The following C10orf71 variants were observed in gnomAD, a reference collection of about 807,000 sequenced individuals.
C10orf71 encodes the protein chromosome 10 open reading frame 71, also known as cardiac-enriched FHL2-interacting protein.
For synonymous variants in C10orf71, 758 were observed against 726.3 expected, an observed-to-expected ratio of 1.04 and a Z score of -0.70; for missense variants, 1,869 against 1,804.5, an observed-to-expected ratio of 1.04 and a Z score of -0.65.
Position 49,324,060 on chromosome 10 carries a change from C to A in C10orf71, c.1515C>A (p.Asp505Glu). 6.2e-7 allele frequency: 1 copy of A among 1,613,864 alleles called. No individual in the cohort carries two copies. Among genetic ancestry groups the A allele is most frequent in the African/African-American group, 1.3e-5 (1 of 75,028 alleles). The change falls in exon 3 of 3, where the codon GAC becomes GAA. Residue 505 changes from aspartate (D) to glutamate (E), a missense_variant. Physicochemically the swap from Asp to Glu is conservative, Grantham distance 45. Coordinates refer to ENST00000374144, the MANE Select transcript of C10orf71 (RefSeq NM_001135196.2). ...CTAGCCTGCTGTTCAACCTCAAGGA[C>A]GTGCGGAAGCGTGTTAAGAGCACAT... ...KAPSLLFNLK[D>E]VRKRVKSTYS...
intron 1 of C10orf71, among the ~76,000 whole-genome samples, chr10:49,300,309 C>G (rs1467720064): frequency 6.6e-6 from 1 of 152,122 alleles, no homozygotes; most frequent in South Asian, 2.1e-4. Context: ...CACCTTCATT[C>G]ATTTGCATAT....
rs1396563149 is a variant in C10orf71 at position 49,326,275 on chromosome 10, C to T, written c.3730C>T (p.Arg1244Cys). The change falls in exon 3 of 3, where the codon CGC becomes TGC. Residue 1244 changes from arginine (R) to cysteine (C), a missense_variant. Arg to Cys is a radical substitution (Grantham distance 180). Coordinates refer to ENST00000374144, the MANE Select transcript of C10orf71 (RefSeq NM_001135196.2). ...VVRSLPPPVHRHSVSGFSEPV... is the reference protein window; with the variant it reads ...VVRSLPPPVHCHSVSGFSEPV... ...CCGTTCCCTGCCCCCTCCCGTGCAC[C>T]GCCACTCCGTGTCCGGCTTCTCGGA... The T allele has an allele frequency of 2.6e-6, 4 of 1,550,126 alleles. No homozygotes were observed. Among genetic ancestry groups the T allele is most frequent in the Admixed American group, 2.0e-5 (1 of 50,964 alleles).
chr10:49,322,378 G>T, intron 2 of C10orf71, 24 bp from the exon 3 acceptor site: 1 of 707,376 alleles, frequency 1.4e-6, no homozygotes, highest in Non-Finnish European at 2.2e-6. Flanking sequence ...CTTTGTTCAC[G>T]CCCTGCACCT....
chr10:49,316,728 G>GCCTGAGCACACTTCCGT (rs958878399), intron 2 of C10orf71, among the ~76,000 whole-genome samples: 2 of 152,202 alleles, frequency 1.3e-5, no homozygotes, highest in Non-Finnish European at 2.9e-5. Context: ...CAGCAAGGAA[G>GCCTGAGCACACTTCCGT]CCTGAGCACA....
intron 2 of C10orf71, among the ~76,000 whole-genome samples, chr10:49,320,603 G>A (rs1223311420): frequency 1.3e-5 from 2 of 152,234 alleles, no homozygotes; most frequent in East Asian, 3.8e-4. Context: ...TGAGAGAGAT[G>A]AGCAAGGAGG....
intron 1 of C10orf71, among the ~76,000 whole-genome samples, chr10:49,303,034 C>G (rs1273300190): frequency 6.6e-6 from 1 of 152,218 alleles, no homozygotes; most frequent in East Asian, 1.9e-4. Context: ...GGTAGAAATA[C>G]AAGAACTGCT....
intron 2 of C10orf71, among the ~76,000 whole-genome samples, chr10:49,321,328 G>A (rs994789003): frequency 2.6e-5 from 4 of 152,022 alleles, no homozygotes; most frequent in East Asian, 1.9e-4. Flanking sequence ...GTCTTTCTGC[G>A]ACTGGGTTGT....
chr10:49,324,381 C>A lies in C10orf71; in HGVS notation c.1836C>A (p.Ser612Arg). 6.2e-7 allele frequency: 1 copy of A among 1,613,540 alleles called. No homozygotes were observed. Among genetic ancestry groups the A allele is most frequent in the Non-Finnish European group, 8.5e-7 (1 of 1,179,710 alleles). ...TCAATGGGGAGGCTGCTGAGAGAAGCAGTTATGAGAACAAGGAGGTGGAAG... is the reference window on the plus strand; with the variant it reads ...TCAATGGGGAGGCTGCTGAGAGAAGAAGTTATGAGAACAAGGAGGTGGAAG... ...FYVNGEAAER[S>R]SYENKEVEGE... The change falls in exon 3 of 3, where the codon AGC becomes AGA. Residue 612 changes from serine (S) to arginine (R), a missense_variant. Transcript: ENST00000374144.
intron 1 of C10orf71, among the ~76,000 whole-genome samples, chr10:49,301,282 G>A (rs1482657348): frequency 6.6e-6 from 1 of 152,308 alleles, no homozygotes; most frequent in South Asian, 2.1e-4. Context: ...GGCTGGAGTG[G>A]ATTTTGGTTT....
intron 1 of C10orf71, among the ~76,000 whole-genome samples, chr10:49,312,059 A>G (rs1246984441): frequency 6.6e-6 from 1 of 152,224 alleles, no homozygotes. Flanking sequence ...ATCTCAAGGA[A>G]AAGCTGATTC....
At chr10:49,316,895 A>G (rs111978510) in intron 2 of C10orf71, among the ~76,000 whole-genome samples, 59 of 152,176 alleles carry the variant, frequency 3.9e-4, no homozygotes, top group Non-Finnish European at 2.8e-4. Context: ...CCCACAAGGT[A>G]TCAAGTGCTT....
intron 1 of C10orf71, among the ~76,000 whole-genome samples, chr10:49,302,798 T>C (rs1222703829): frequency 6.6e-6 from 1 of 152,150 alleles, no homozygotes; most frequent in African/African-American, 2.4e-5. Flanking sequence ...CTCAGGACTT[T>C]GGGAAGTTGC....
In C10orf71 at chr10:49,325,745, C is replaced by T. The variant is rs1410787264; in HGVS notation, c.3200C>T (p.Ala1067Val). 2 of 1,551,348 alleles carry T rather than the reference C, an allele frequency of 1.3e-6. No homozygotes were observed. Among genetic ancestry groups the T allele is most frequent in the Non-Finnish European group, 8.7e-7 (1 of 1,146,800 alleles). The part of the protein sequence containing the change: ...PNPGSPGESS[A>V]CSPAASNIWE... ...CCCGGCTCCCCCGGGGAGAGCAGTG[C>T]CTGCTCCCCTGCTGCCAGCAACATT... Residue 1067 changes from alanine to valine, a missense_variant, in exon 3 of 3, where the codon GCC (alanine) becomes GTC (valine). Physicochemically the swap from Ala to Val is moderately conservative, Grantham distance 64 (BLOSUM62 0). Transcript: ENST00000374144.
rs755271393 is a variant in C10orf71, at chr10:49,323,795, C to T, written c.1250C>T (p.Pro417Leu). 8 of 1,613,838 alleles carry T rather than the reference C, an allele frequency of 5.0e-6. No individual in the cohort carries two copies. The South Asian group carries it at 7.7e-5, about 16-fold the overall frequency. The change falls in exon 3 of 3, where the codon CCC becomes CTC. Residue 417 changes from proline (P) to leucine (L), a missense_variant. By Grantham distance (98) the Pro-to-Leu change is moderately conservative. Coordinates refer to ENST00000374144, the MANE Select transcript of C10orf71 (RefSeq NM_001135196.2). ...CCACCTTTGTATACAAAACACAACC[C>T]CCAGGAACAGTTTTCAGAAAACAAT... ...RGPPLYTKHN[P>L]QEQFSENNAL...
intron 2 of C10orf71, among the ~76,000 whole-genome samples, chr10:49,317,687 C>CA (rs1456555438): frequency 6.6e-6 from 1 of 152,006 alleles, no homozygotes; most frequent in East Asian, 1.9e-4. Context: ...TCCATTTATA[C>CA]AAAAAATAGA....
chr10:49,300,540 TG>T (rs1419562189), intron 1 of C10orf71, among the ~76,000 whole-genome samples: 1 of 151,374 alleles, frequency 6.6e-6, no homozygotes, highest in Non-Finnish European at 1.5e-5. Context: ...GACCAGTGGC[TG>T]GCTGGCTCCT....
In C10orf71 at chr10:49,325,655, C is replaced by T; in HGVS notation, c.3110C>T (p.Ser1037Phe). Reference protein sequence around the residue: ...QTPGFKSHFLSTPRAGPPGRR... With the variant: ...QTPGFKSHFLFTPRAGPPGRR... ...CCAGGTTTCAAGAGTCACTTTTTGT[C>T]CACACCCAGAGCAGGGCCCCCTGGC... Residue 1037 changes from serine to phenylalanine, a missense_variant, in exon 3 of 3, where the codon TCC (serine) becomes TTC (phenylalanine). Coordinates refer to ENST00000374144, the MANE Select transcript of C10orf71 (RefSeq NM_001135196.2). 6.4e-7 allele frequency: 1 copy of T among 1,552,128 alleles called. No individual in the cohort carries two copies. The highest frequency in any genetic ancestry group is 8.7e-7 in the Non-Finnish European group (1 of 1,147,090).
intron 2 of C10orf71, among the ~76,000 whole-genome samples, chr10:49,321,856 A>C (rs964569861): frequency 6.6e-6 from 1 of 152,070 alleles, no homozygotes; most frequent in African/African-American, 2.4e-5. Context: ...TCTTCTTTGG[A>C]GAAATATCTG....
chr10:49,319,308 A>G (rs2132424338), intron 2 of C10orf71, among the ~76,000 whole-genome samples: 1 of 152,150 alleles, frequency 6.6e-6, no homozygotes, highest in South Asian at 2.1e-4. Flanking sequence ...AATGTTATGT[A>G]GCACCATGCA....
Sources: allele counts gnomAD v4.1 joint callset (sites outside exome capture counted in the v4.1 genomes callset), GRCh38; gene constraint gnomAD v4.1.1; transcripts MANE v1.5; gene names NCBI Gene and HGNC (gene_info 2026-07-23, HGNC 2026-07-21).